BARD1: variants seen among roughly 807,000 people sequenced by gnomAD.
BARD1 encodes BRCA1 associated RING domain 1.
A neutral mutation model predicts 77.0 loss-of-function variants in BARD1; 73 were observed. That is an observed-to-expected ratio of 0.95 (90% CI 0.79 to 1.15). The LOEUF is 1.15. BARD1 is among the 50% of genes most tolerant of loss of function. The pLI is 0.00. For missense variants in BARD1, 993 were observed against 938.8 expected (o/e 1.06, Z -0.75); for synonymous variants, 384 against 338.0 (o/e 1.14, Z -1.49).
intron 9 of BARD1, among the ~76,000 whole-genome samples, chr2:214,743,089 A>G (rs951300143): frequency 2.0e-5 from 3 of 152,326 alleles, no homozygotes; most frequent in African/African-American, 7.2e-5. Context: ...ATTAATAGGG[A>G]TTGATGAGAA....
chr2:214,757,989 C>T (rs1168197750), intron 6 of BARD1, among the ~76,000 whole-genome samples: 1 of 151,896 alleles, frequency 6.6e-6, no homozygotes, highest in African/African-American at 2.4e-5. Flanking sequence ...GGGAATGTAC[C>T]ACAGGAATAT....
intron 3 of BARD1, among the ~76,000 whole-genome samples, chr2:214,790,044 T>C (rs1422985524): frequency 6.6e-6 from 1 of 152,102 alleles, no homozygotes; most frequent in South Asian, 2.1e-4. Flanking sequence ...ATATCTTTAA[T>C]GATGAAATAT....
chr2:214,792,493 T>C (rs767868213), intron 2 of BARD1, 48 bp from the exon 3 acceptor site: 2 of 1,497,082 alleles, frequency 1.3e-6, no homozygotes, highest in Admixed American at 2.4e-5. Flanking sequence ...TTCAGCAGAA[T>C]TTAATTCCAA....
At chr2:214,803,537 T>A (rs866381674) in intron 1 of BARD1, among the ~76,000 whole-genome samples, 10 of 152,210 alleles carry the variant, frequency 6.6e-5, no homozygotes, top group Non-Finnish European at 4.4e-5. Context: ...TGTATGCATA[T>A]CTAAAAGCAC....
intron 10 of BARD1, 26 bp downstream of exon 10, chr2:214,730,385 T>C: frequency 6.3e-7 from 1 of 1,583,396 alleles, no homozygotes; most frequent in Non-Finnish European, 8.7e-7. Context: ...ATAAGAACAA[T>C]GAAAGTTGTA....
intron 2 of BARD1, among the ~76,000 whole-genome samples, chr2:214,794,834 C>T (rs760522842): frequency 9.2e-5 from 14 of 152,146 alleles, no homozygotes; most frequent in Non-Finnish European, 1.8e-4. Flanking sequence ...TAATTTTTGG[C>T]ATCATATAAT....
chr2:214,761,047 T>C (rs1004966608), intron 6 of BARD1, among the ~76,000 whole-genome samples: 2 of 149,950 alleles, frequency 1.3e-5, no homozygotes, highest in African/African-American at 4.9e-5. Flanking sequence ...CCACAGGGAC[T>C]TTTTAAGGAT....
intron 6 of BARD1, among the ~76,000 whole-genome samples, chr2:214,765,920 T>A (rs1694174484): frequency 6.6e-6 from 1 of 152,196 alleles, no homozygotes; most frequent in Non-Finnish European, 1.5e-5. Context: ...GGTTTTCAAT[T>A]ATGTTAAATA....
At chr2:214,759,066 A>G (rs1026102249) in intron 6 of BARD1, among the ~76,000 whole-genome samples, 3 of 152,226 alleles carry the variant, frequency 2.0e-5, no homozygotes, top group African/African-American at 7.2e-5. Context: ...TTTGCTTGCT[A>G]TGGAGCAGGA....
intron 3 of BARD1, among the ~76,000 whole-genome samples, chr2:214,782,921 C>T (rs1271364421): frequency 3.3e-5 from 5 of 152,110 alleles, no homozygotes; most frequent in South Asian, 2.1e-4. Context: ...ACAAGTGTTA[C>T]AGTAATAGAA....
At chr2:214,749,312 T>G (rs1344264940) in intron 7 of BARD1, among the ~76,000 whole-genome samples, 1 of 152,134 alleles carries the variant, frequency 6.6e-6, no homozygotes, top group Non-Finnish European at 1.5e-5. Flanking sequence ...TGGTAGTGGC[T>G]GGGGGAAGGT....
chr2:214,730,649 C>G, intron 9 of BARD1, 141 bp from the exon 10 acceptor site: 1 of 704,180 alleles, frequency 1.4e-6, no homozygotes, highest in Admixed American at 2.3e-5. Context: ...AAACAGAAAT[C>G]TTACTTATGC....
chr2:214,774,599 T>C (rs981175016), intron 4 of BARD1, among the ~76,000 whole-genome samples: 6 of 152,230 alleles, frequency 3.9e-5, no homozygotes, highest in African/African-American at 1.4e-4. Flanking sequence ...ACCCAGGCTT[T>C]GTTGTTCTAA....
chr2:214,803,479 G>C (rs886092981), intron 1 of BARD1, among the ~76,000 whole-genome samples: 4 of 152,214 alleles, frequency 2.6e-5, no homozygotes, highest in Admixed American at 1.3e-4. Flanking sequence ...GCTGGAGGTG[G>C]GACGTGCGGG....
chr2:214,764,096 C>T (rs888420927), intron 6 of BARD1, among the ~76,000 whole-genome samples: 1 of 152,178 alleles, frequency 6.6e-6, no homozygotes, highest in Non-Finnish European at 1.5e-5. Flanking sequence ...ATATGGGAAA[C>T]TTGGTTTTAG....
At chr2:214,788,241 T>C (rs1452427694) in intron 3 of BARD1, among the ~76,000 whole-genome samples, 1 of 151,890 alleles carries the variant, frequency 6.6e-6, no homozygotes, top group Non-Finnish European at 1.5e-5. Flanking sequence ...GACCAGCACC[T>C]GCAAGGTCTG....
At chr2:214,739,749 C>G (rs1692729895) in intron 9 of BARD1, among the ~76,000 whole-genome samples, 1 of 152,012 alleles carries the variant, frequency 6.6e-6, no homozygotes, top group Non-Finnish European at 1.5e-5. Flanking sequence ...ATACTGTCGA[C>G]AGTCATTAAA....
chr2:214,777,203 G>A (rs1318442231), intron 4 of BARD1, among the ~76,000 whole-genome samples: 2 of 152,076 alleles, frequency 1.3e-5, no homozygotes, highest in African/African-American at 4.8e-5. Flanking sequence ...AGTTTGTTTT[G>A]GCACCAATAG....
At chr2:214,738,837 C>G (rs960918271) in intron 9 of BARD1, among the ~76,000 whole-genome samples, 9 of 152,224 alleles carry the variant, frequency 5.9e-5, no homozygotes, top group African/African-American at 1.4e-4. Flanking sequence ...GAGTAGTAAA[C>G]AGATCCACAT....
Sources: allele counts gnomAD v4.1 joint callset (sites outside exome capture counted in the v4.1 genomes callset), GRCh38; gene constraint gnomAD v4.1.1; transcripts MANE v1.5; gene names NCBI Gene and HGNC (gene_info 2026-07-23, HGNC 2026-07-21).